DPP6: variants seen among roughly 807,000 people sequenced by gnomAD.
The protein encoded by DPP6 is A-type potassium channel modulatory protein DPP6.
DPP6 carries 69 observed loss-of-function variants against 122.6 expected under a neutral mutation model. The ratio of observed to expected loss-of-function variants is 0.56; its 90% CI spans 0.46 to 0.69. The LOEUF (loss-of-function observed/expected upper bound fraction) is 0.69. Ranked by LOEUF, DPP6 falls within the 30% of genes least tolerant of loss-of-function variation. The probability of loss-of-function intolerance (pLI) is 0.00; values close to 1 mark genes in which losing one functional copy is unlikely to be tolerated. For synonymous variants in DPP6, 418 were observed against 433.1 expected (o/e 0.97, Z 0.43); for missense variants, 928 against 1,116.9 (o/e 0.83, Z 2.41).
chr7:154,099,216 C>A (rs1184559362), intron 1 of DPP6, among the ~76,000 whole-genome samples: 7 of 152,142 alleles, frequency 4.6e-5, no homozygotes, highest in Non-Finnish European at 7.3e-5. Context: ...AATGTCCATT[C>A]ATATTAAAAA....
At chr7:153,808,889 ATTTT>A in the DPP6 span, among the ~76,000 whole-genome samples, 1 of 151,912 alleles carries the variant, frequency 6.6e-6, no homozygotes, top group African/African-American at 2.4e-5. Flanking sequence ...ATTTCATTTT[ATTTT>A]TTAACGTACA....
chr7:154,251,787 T>C (rs1202353554), intron 1 of DPP6, among the ~76,000 whole-genome samples: 2 of 107,146 alleles, frequency 1.9e-5, no homozygotes, highest in African/African-American at 1.0e-4. Flanking sequence ...TCTCCCACCT[T>C]CTCCTGCCTG....
intron 1 of DPP6, among the ~76,000 whole-genome samples, chr7:154,070,846 G>C (rs1341253905): frequency 1.3e-5 from 2 of 152,110 alleles, no homozygotes; most frequent in African/African-American, 4.8e-5. Flanking sequence ...ATTGCCAGAT[G>C]AACTGTATTA....
In DPP6 at chr7:154,062,728, G is replaced by C. The variant is rs551919892; in HGVS notation, c.243+9665G>C. ...CTGGCTGTTGGTACCCCCATCGTAG[G>C]GGGGGGGAGGCACCCTCCGCGAGGC... On this transcript the variant is annotated intron_variant, in intron 1 of 25. Coordinates refer to ENST00000377770, the MANE Select transcript of DPP6 (RefSeq NM_130797.4). Among the ~76,000 whole-genome samples, 25 of 55,942 alleles carry C rather than the reference G, an allele frequency of 4.5e-4. 1 individual carries two copies. Among genetic ancestry groups the C allele is most frequent in the Non-Finnish European group, 5.4e-4 (17 of 31,724 alleles). 36.7% of individuals were successfully genotyped at this position (55,942 alleles called of 152,430 possible). A position where few individuals can be genotyped will look rare whatever the true frequency, so the allele number is the denominator to read the frequency against.
intron 1 of DPP6, among the ~76,000 whole-genome samples, chr7:154,329,901 C>T (rs937755738): frequency 6.6e-6 from 1 of 152,136 alleles, no homozygotes; most frequent in Non-Finnish European, 1.5e-5. Flanking sequence ...AGCTGGAAAC[C>T]ATCATTCTCA....
chr7:154,305,529 A>G (rs1280657127), intron 1 of DPP6: 1 of 1,604,648 alleles, frequency 6.2e-7, no homozygotes, highest in African/African-American at 1.3e-5. Context: ...GCTTCGGGGA[A>G]ATCCGTGCAG....
At chr7:154,426,759 G>A (rs1160277344) in intron 1 of DPP6, among the ~76,000 whole-genome samples, 1 of 144,384 alleles carries the variant, frequency 6.9e-6, no homozygotes, top group Non-Finnish European at 1.5e-5. Flanking sequence ...ACCATGAGAT[G>A]ATGGTTTTGG....
chr7:154,790,205 T>TA (rs1242403746), intron 10 of DPP6, among the ~76,000 whole-genome samples: 1 of 152,070 alleles, frequency 6.6e-6, no homozygotes, highest in African/African-American at 2.4e-5. Context: ...CTAAAAAACA[T>TA]AAAAAATCAA....
intron 10 of DPP6, among the ~76,000 whole-genome samples, chr7:154,790,930 T>C (rs905543857): frequency 4.6e-5 from 7 of 152,156 alleles, no homozygotes; most frequent in African/African-American, 1.7e-4. Context: ...TGGGGCTCTG[T>C]ATTAGTCAGT....
chr7:154,431,620 T>C (rs139596174), intron 1 of DPP6, among the ~76,000 whole-genome samples: 1 of 147,984 alleles, frequency 6.8e-6, no homozygotes, highest in East Asian at 2.1e-4. Flanking sequence ...CCACAACCTC[T>C]ACCTCCCAAG....
At position 154,269,330 on chromosome 7, in the gene DPP6, A is replaced by G. The variant is rs1803642025; in HGVS notation, c.244-176884A>G. ...TTCTAAAGCTAGTGATTATTTTCCT[A>G]TTATTTTGATGGTCAGCTCTTAAGA... is the stretch of plus-strand genomic sequence containing the variant. On this transcript the variant is annotated intron_variant, in intron 1 of 25. Transcript: ENST00000377770. 3.9e-5 allele frequency among the ~76,000 whole-genome samples: 6 copies of G among 152,138 alleles called. No homozygotes were observed. The South Asian group carries it at 1.2e-3, about 32-fold the overall frequency.
chr7:154,716,366 A>G (rs994232406), intron 7 of DPP6, among the ~76,000 whole-genome samples: 2 of 151,950 alleles, frequency 1.3e-5, no homozygotes, highest in Admixed American at 1.3e-4. Flanking sequence ...CCCACTTACT[A>G]TTTTACAGCT....
At chr7:153,891,606 A>G (rs1042782395) in intron 1 of DPP6, among the ~76,000 whole-genome samples, 1 of 151,906 alleles carries the variant, frequency 6.6e-6, no homozygotes, top group African/African-American at 2.4e-5. Context: ...AGAGGTATAT[A>G]CTCTTGCAAT....
intron 1 of DPP6, among the ~76,000 whole-genome samples, chr7:154,060,509 C>CCTGGAG (rs1801629451): frequency 7.2e-6 from 1 of 137,956 alleles, no homozygotes; most frequent in South Asian, 2.3e-4. Context: ...TTAGGACCCA[C>CCTGGAG]CTGGAGGACT....
intron 1 of DPP6, among the ~76,000 whole-genome samples, chr7:154,360,813 A>G (rs952403830): frequency 4.6e-5 from 7 of 152,234 alleles, no homozygotes; most frequent in Non-Finnish European, 8.8e-5. Context: ...GCCCTCGCCC[A>G]CCAGAATTCA....
Position 154,523,901 on chromosome 7 carries a change from G to A in DPP6, c.458-16631G>A, listed in dbSNP as rs1827201895. 2.0e-5 allele frequency among the ~76,000 whole-genome samples: 3 copies of A among 152,188 alleles called. No homozygotes were observed. The South Asian group carries it at 6.2e-4, about 31-fold the overall frequency. On this transcript the variant is annotated intron_variant, in intron 3 of 25. Coordinates refer to ENST00000377770, the MANE Select transcript of DPP6 (RefSeq NM_130797.4). Reference sequence around the variant, plus strand: ...TCCCATTGAGAATGGCGTATTTTCTGTGGGATAATATCCCATTAACTTTTC... The same window carrying A: ...TCCCATTGAGAATGGCGTATTTTCTATGGGATAATATCCCATTAACTTTTC...
At chr7:153,999,121 T>C (rs543737367) in intron 1 of DPP6, among the ~76,000 whole-genome samples, 8 of 152,322 alleles carry the variant, frequency 5.3e-5, no homozygotes, top group Admixed American at 1.3e-4. Context: ...GGAGGAGCAT[T>C]GGGCACCACT....
At chr7:154,350,706 A>C (rs1487941838) in intron 1 of DPP6, among the ~76,000 whole-genome samples, 1 of 152,184 alleles carries the variant, frequency 6.6e-6, no homozygotes, top group Non-Finnish European at 1.5e-5. Context: ...TGCCCGTTGC[A>C]TGGTAACAGA....
intron 7 of DPP6, among the ~76,000 whole-genome samples, chr7:154,691,454 A>G (rs942901456): frequency 6.6e-6 from 1 of 152,180 alleles, no homozygotes; most frequent in Non-Finnish European, 1.5e-5. Context: ...CTGGTGTTCC[A>G]TTTATAGTAG....
Sources: allele counts gnomAD v4.1 joint callset (sites outside exome capture counted in the v4.1 genomes callset), GRCh38; gene constraint gnomAD v4.1.1; transcripts MANE v1.5; gene names NCBI Gene and HGNC (gene_info 2026-07-23, HGNC 2026-07-21).